Variants in ZNF276 observed in about 807,000 individuals in gnomAD.
The protein encoded by ZNF276 is centromere protein Z.
ZNF276 carries 59 observed loss-of-function variants against 63.9 expected under a neutral mutation model. The observed-to-expected ratio is 0.92, with a 90% CI of 0.75 to 1.15. ZNF276 has a LOEUF of 1.15. Among genes scored for constraint, ZNF276 ranks in the 50% most tolerant of loss-of-function variants. ZNF276 has a pLI of 0.00. For missense variants in ZNF276, 1,084 were observed against 843.8 expected (o/e 1.28, Z -3.53); for synonymous variants, 496 against 348.4 (o/e 1.42, Z -4.72).
At position 89,721,630 on chromosome 16, in the gene ZNF276, C is replaced by T. The variant is rs1027005661; in HGVS notation, c.-11C>T. On this transcript the variant is annotated 5_prime_UTR_variant, in exon 1 of 11. Coordinates refer to ENST00000443381, the MANE Select transcript of ZNF276 (RefSeq NM_001113525.2). ...AGCACCCGCGGGATTCTGCTGGCGTCCTCCGCTGCCATGAAGCGGGACCGG... is the reference window on the plus strand; with the variant it reads ...AGCACCCGCGGGATTCTGCTGGCGTTCTCCGCTGCCATGAAGCGGGACCGG... The T allele has an allele frequency of 2.0e-6, 3 of 1,472,932 alleles. No homozygotes were observed. Among genetic ancestry groups the T allele is most frequent in the East Asian group, 3.0e-5 (1 of 33,116 alleles). 91.2% of individuals were successfully genotyped at this position (1,472,932 alleles called of 1,614,324 possible). A position where few individuals can be genotyped will look rare whatever the true frequency, so the allele number is the denominator to read the frequency against.
chr16:89,735,206 C>T (rs1368556564), intron 9 of ZNF276, among the ~76,000 whole-genome samples: 1 of 151,388 alleles, frequency 6.6e-6, no homozygotes. Flanking sequence ...ATTCAGAGGG[C>T]TGCCTTTTCC....
chr16:89,739,189 C>T lies in ZNF276; in HGVS notation c.*943C>T, dbSNP rs757592625. 3.1e-6 allele frequency: 5 copies of T among 1,614,042 alleles called. No individual in the cohort carries two copies. The highest frequency in any genetic ancestry group is 3.3e-5 in the Admixed American group (2 of 60,006). On this transcript the variant is annotated 3_prime_UTR_variant, in exon 11 of 11. Coordinates refer to ENST00000443381, the MANE Select transcript of ZNF276 (RefSeq NM_001113525.2). ...GGAGGTGAAACTGTGCTTGTATCCC[C>T]AGCCACGAAGAGCTGGACCAGCTTC...
chr16:89,730,317 G>A (rs1326616106), intron 6 of ZNF276, among the ~76,000 whole-genome samples: 1 of 152,158 alleles, frequency 6.6e-6, no homozygotes, highest in African/African-American at 2.4e-5. Flanking sequence ...GCCTGAGGCT[G>A]CTGTACGGAA....
chr16:89,734,057 T>A lies in ZNF276; in HGVS notation c.1474+19T>A. The A allele has an allele frequency of 5.0e-6, 8 of 1,610,288 alleles. No individual in the cohort carries two copies. Among genetic ancestry groups the A allele is most frequent in the Non-Finnish European group, 6.8e-6 (8 of 1,177,096 alleles). On this transcript the variant is annotated intron_variant, in intron 9 of 10. Transcript: ENST00000443381. ...CACACAGGTACGCCTATCGCCAGTGTCGCCCACGCGGGTGACAGCCAGGGG... is the reference window on the plus strand; with the variant it reads ...CACACAGGTACGCCTATCGCCAGTGACGCCCACGCGGGTGACAGCCAGGGG...
rs761896034 is a variant in ZNF276 at position 89,738,760 on chromosome 16, C to T, written c.*514C>T. On this transcript the variant is annotated 3_prime_UTR_variant, in exon 11 of 11. Transcript: ENST00000443381. ...CCATGCCGCCCACTAGGCCTCAGACCACAGGGGAGGGGCTCTGGCAGAAAT... is the reference window on the plus strand; with the variant it reads ...CCATGCCGCCCACTAGGCCTCAGACTACAGGGGAGGGGCTCTGGCAGAAAT... The T allele has an allele frequency of 2.5e-6, 4 of 1,612,584 alleles. No individual in the cohort carries two copies. Among genetic ancestry groups the T allele is most frequent in the Non-Finnish European group, 3.4e-6 (4 of 1,179,366 alleles).
At position 89,739,657 on chromosome 16, in the gene ZNF276, T is replaced by G; in HGVS notation, c.*1411T>G. The G allele has an allele frequency of 4.6e-6, 7 of 1,509,746 alleles. No individual in the cohort carries two copies. Among genetic ancestry groups the G allele is most frequent in the Non-Finnish European group, 6.3e-6 (7 of 1,112,790 alleles). 93.5% of individuals were successfully genotyped at this position (1,509,746 alleles called of 1,614,324 possible). ...GGACGTGTACCCTGGGAGGCCTGGC[T>G]GTGGGGATAGTGTGGGGCGAACAGC... On this transcript the variant is annotated 3_prime_UTR_variant, in exon 11 of 11. Transcript: ENST00000443381.
chr16:89,723,152 C>T lies in ZNF276; in HGVS notation c.525C>T (p.Pro175=). ...RKPCAKVGAQ[P]PTGAEEGACL... ...TCCTTTGCAGGGTCGGTGCCCAGCC[C>T]CCAACAGGGGCAGAGGAGGGAGCGT... The change falls in exon 3 of 11, where the codon CCC becomes CCT. Residue 175 remains proline, a synonymous_variant. Transcript: ENST00000443381. The T allele has an allele frequency of 6.2e-7, 1 of 1,613,214 alleles. No individual in the cohort carries two copies. The highest frequency in any genetic ancestry group is 8.5e-7 in the Non-Finnish European group (1 of 1,180,030).
chr16:89,720,746 C>T (rs2061240838), upstream of ZNF276: 3 of 1,435,098 alleles, frequency 2.1e-6, no homozygotes, highest in Admixed American at 2.5e-5. Flanking sequence ...CCAAGCCCCG[C>T]CCCCGCCCCG....
chr16:89,730,950 C>T (rs1035829030), intron 6 of ZNF276, among the ~76,000 whole-genome samples: 1 of 152,224 alleles, frequency 6.6e-6, no homozygotes, highest in Admixed American at 6.5e-5. Context: ...AAGGCCAGGG[C>T]CTGCACCCCC....
chr16:89,734,696 G>A (rs1026076089), intron 9 of ZNF276, among the ~76,000 whole-genome samples: 2 of 152,174 alleles, frequency 1.3e-5, no homozygotes, highest in East Asian at 1.9e-4. Flanking sequence ...GTGGACAGGC[G>A]GGAGGCACGT....
In ZNF276 at chr16:89,738,984, A is replaced by G. The variant is rs2151711012; in HGVS notation, c.*738A>G. 3 of 1,614,208 alleles carry G rather than the reference A, an allele frequency of 1.9e-6. No individual in the cohort carries two copies. Among genetic ancestry groups the G allele is most frequent in the South Asian group, 1.1e-5 (1 of 91,084 alleles). Reference sequence around the variant, plus strand: ...GTTCCACGGGGTTGCCCTAGAGAGAAAACAGGCAAACTCACAGGTTAGAAG... The same window carrying G: ...GTTCCACGGGGTTGCCCTAGAGAGAGAACAGGCAAACTCACAGGTTAGAAG... On this transcript the variant is annotated 3_prime_UTR_variant, in exon 11 of 11. Coordinates refer to ENST00000443381, the MANE Select transcript of ZNF276 (RefSeq NM_001113525.2).
chr16:89,730,331 C>T (rs372021848), intron 6 of ZNF276, among the ~76,000 whole-genome samples: 10 of 152,148 alleles, frequency 6.6e-5, no homozygotes, highest in African/African-American at 2.2e-4. Flanking sequence ...TACGGAAGCC[C>T]CCACTCCGTG....
chr16:89,737,717 CCAGCTGTGATGGTTTCA>C, intron 9 of ZNF276, 72 bp from the exon 10 acceptor site: 2 of 1,596,230 alleles, frequency 1.3e-6, no homozygotes, highest in Non-Finnish European at 1.7e-6. Flanking sequence ...AAATGTCTTC[CCAGCTGTGATGGTTTCA>C]CATTGTCATC....
chr16:89,731,704 A>G (rs917035449), intron 6 of ZNF276: 1 of 152,260 alleles, frequency 6.6e-6, no homozygotes, highest in Non-Finnish European at 1.5e-5. Flanking sequence ...GACTGCCAAC[A>G]TGAGCCACTG....
At chr16:89,737,070 C>G (rs1195920148) in intron 9 of ZNF276, among the ~76,000 whole-genome samples, 1 of 152,118 alleles carries the variant, frequency 6.6e-6, no homozygotes, top group African/African-American at 2.4e-5. Flanking sequence ...AGTGAGATCT[C>G]TTTGTTCAAG....
intron 9 of ZNF276, among the ~76,000 whole-genome samples, chr16:89,736,103 G>C (rs2061869960): frequency 6.6e-6 from 1 of 152,096 alleles, no homozygotes; most frequent in African/African-American, 2.4e-5. Flanking sequence ...ACGTTAGTGA[G>C]GCTGGTCTCA....
upstream of ZNF276, chr16:89,720,737 C>T: frequency 7.0e-7 from 1 of 1,426,704 alleles, no homozygotes; most frequent in Non-Finnish European, 9.2e-7. Flanking sequence ...CCTCAGCGGC[C>T]AAGCCCCGCC....
chr16:89,729,410 G>C, intron 6 of ZNF276, 92 bp downstream of exon 6: 1 of 1,138,564 alleles, frequency 8.8e-7, no homozygotes, highest in Non-Finnish European at 1.3e-6. Context: ...TGCCCACTCA[G>C]TTCACTCTCT....
chr16:89,728,411 T>A (rs35034309), intron 5 of ZNF276, among the ~76,000 whole-genome samples: 9,546 of 151,502 alleles, frequency 0.063, 394 homozygotes, highest in East Asian at 0.095. Flanking sequence ...TTATTTATTT[T>A]TTTTTTATTT....
Sources: gnomAD v4.1 joint callset for allele counts (sites outside exome capture counted in the v4.1 genomes callset) on GRCh38, gnomAD v4.1.1 for gene constraint, MANE v1.5 for transcripts, NCBI Gene and HGNC (gene_info 2026-07-23, HGNC 2026-07-21) for gene names.